Variants in NFIB observed in about 807,000 individuals in gnomAD.
The protein encoded by NFIB is nuclear factor 1 B-type.
In NFIB, 11 loss-of-function variants were observed where a neutral mutation model predicts 61.5. The observed-to-expected ratio is 0.18, with a 90% CI of 0.11 to 0.30. The LOEUF is 0.30. Among genes scored for constraint, NFIB ranks in the 10% least tolerant of loss-of-function variants. The pLI is 1.00. For missense variants in NFIB, 471 were observed against 608.9 expected, an observed-to-expected ratio of 0.77 and a Z score of 2.38; for synonymous variants, 260 against 216.5, an observed-to-expected ratio of 1.20 and a Z score of -1.76.
intron 1 of NFIB, among the ~76,000 whole-genome samples, chr9:14,310,312 A>G (rs2060220748): frequency 6.6e-6 from 1 of 152,140 alleles, no homozygotes; most frequent in Non-Finnish European, 1.5e-5. Context: ...TGCCTTATTG[A>G]TATCGTTCAG....
At chr9:14,290,220 G>A (rs1415625258) in intron 2 of NFIB, among the ~76,000 whole-genome samples, 1 of 152,066 alleles carries the variant, frequency 6.6e-6, no homozygotes. Flanking sequence ...CACATTAGGA[G>A]TGGATTTTGA....
At chr9:14,137,623 A>C (rs887433565) in intron 6 of NFIB, among the ~76,000 whole-genome samples, 1 of 152,190 alleles carries the variant, frequency 6.6e-6, no homozygotes, top group African/African-American at 2.4e-5. Context: ...CTAAGACCAC[A>C]CCAGTATTTA....
In NFIB at chr9:14,313,664, C is replaced by G. The variant is rs1028612893; in HGVS notation, c.-153G>C. 1.2e-5 allele frequency: 18 copies of G among 1,493,628 alleles called. No homozygotes were observed. The highest frequency in any genetic ancestry group is 1.6e-5 in the Non-Finnish European group (18 of 1,122,200). 92.5% of individuals were successfully genotyped at this position (1,493,628 alleles called of 1,614,324 possible). A position where few individuals can be genotyped will look rare whatever the true frequency, so the allele number is the denominator to read the frequency against. On this transcript the variant is annotated 5_prime_UTR_variant, in exon 1 of 11. Transcript: ENST00000380953. This position sits in a 1 kb window ranked among gnomAD's most constrained non-coding sequence, Gnocchi z 4.5. Reference sequence around the variant, plus strand: ...GGATCACCGCAACTTCACAACAAACCCAGTCCTCCTTAAATAGCCAAAGAT... The same window carrying G: ...GGATCACCGCAACTTCACAACAAACGCAGTCCTCCTTAAATAGCCAAAGAT...
chr9:14,398,213 AC>A (rs35009605), intron 1 of NFIB, among the ~76,000 whole-genome samples: 2,579 of 152,258 alleles, frequency 0.017, 87 homozygotes, highest in African/African-American at 0.057. Context: ...CTCTCAACTA[AC>A]CTTGCAGAAA....
intron 2 of NFIB, among the ~76,000 whole-genome samples, chr9:14,247,762 A>C (rs2055097959): frequency 1.3e-5 from 2 of 152,206 alleles, no homozygotes; most frequent in South Asian, 4.1e-4. Context: ...GTCAAGACTC[A>C]GTAATTAGTG....
the NFIB span, among the ~76,000 whole-genome samples, chr9:14,480,621 TA>T: frequency 6.6e-6 from 1 of 152,182 alleles, no homozygotes; most frequent in Non-Finnish European, 1.5e-5. Context: ...GCTTCCAGCT[TA>T]ACATAAGCTT....
At chr9:14,250,723 C>G (rs998749267) in intron 2 of NFIB, among the ~76,000 whole-genome samples, 1 of 152,190 alleles carries the variant, frequency 6.6e-6, no homozygotes, top group African/African-American at 2.4e-5. Context: ...TTAAGTCAAC[C>G]TGTATATCTC....
chr9:14,506,433 C>T, the NFIB span, among the ~76,000 whole-genome samples: 1 of 152,100 alleles, frequency 6.6e-6, no homozygotes, highest in Non-Finnish European at 1.5e-5. Context: ...GGCTACTGCA[C>T]GAGGTTTCAC....
the NFIB span, among the ~76,000 whole-genome samples, chr9:14,407,252 C>T: frequency 1.3e-5 from 2 of 152,116 alleles, no homozygotes; most frequent in Non-Finnish European, 1.5e-5. Flanking sequence ...TTAAACTTTC[C>T]TTTGCTTTAA....
intron 2 of NFIB, among the ~76,000 whole-genome samples, chr9:14,261,709 A>T (rs1162951922): frequency 6.6e-6 from 1 of 152,152 alleles, no homozygotes; most frequent in Non-Finnish European, 1.5e-5. Flanking sequence ...AGGGGAACTT[A>T]ATGAACTTAA....
At chr9:14,228,197 C>CT (rs199731438) in intron 2 of NFIB, among the ~76,000 whole-genome samples, 20,327 of 132,516 alleles carry the variant, frequency 0.15, 2,005 homozygotes, top group East Asian at 0.49. Flanking sequence ...CTTTATGATT[C>CT]TTTTTTTTTT....
chr9:14,398,718 T>C, exon 1 of NFIB: 2 of 911,142 alleles, frequency 2.2e-6, no homozygotes, highest in Non-Finnish European at 3.2e-6. Context: ...GGTCACCGAG[T>C]ACCTTAGCAA....
chr9:14,327,503 G>A (rs2060769639), intron 1 of NFIB, among the ~76,000 whole-genome samples: 2 of 152,164 alleles, frequency 1.3e-5, no homozygotes, highest in African/African-American at 4.8e-5. Context: ...GCATGGGTCT[G>A]GACCTTGGGC....
chr9:14,121,572 C>G (rs926523449), intron 7 of NFIB, among the ~76,000 whole-genome samples: 1 of 152,162 alleles, frequency 6.6e-6, no homozygotes, highest in African/African-American at 2.4e-5. Context: ...GCTAGAAACT[C>G]TCCTAATGAA....
intron 2 of NFIB, among the ~76,000 whole-genome samples, chr9:14,197,691 G>C (rs919569271): frequency 3.9e-5 from 6 of 152,224 alleles, no homozygotes; most frequent in Non-Finnish European, 7.3e-5. Flanking sequence ...AACTTTGACA[G>C]AACATGTGTT....
chr9:14,104,985 C>T (rs1367579993), intron 10 of NFIB, among the ~76,000 whole-genome samples: 1 of 152,104 alleles, frequency 6.6e-6, no homozygotes, highest in East Asian at 1.9e-4. Context: ...ATACCACTCA[C>T]TGATTGCTTA....
the NFIB span, among the ~76,000 whole-genome samples, chr9:14,459,008 A>T: frequency 6.6e-6 from 1 of 152,158 alleles, no homozygotes; most frequent in East Asian, 1.9e-4. Context: ...CAGAATTGGA[A>T]AAAACTACTT....
intron 1 of NFIB, among the ~76,000 whole-genome samples, chr9:14,348,641 C>G (rs1357764104): frequency 2.0e-5 from 3 of 152,250 alleles, no homozygotes; most frequent in African/African-American, 4.8e-5. Context: ...AACCCTTCTT[C>G]TTCTGCGCAA....
At chr9:14,402,321 A>G (rs1043431623), upstream of NFIB, among the ~76,000 whole-genome samples, 2 of 152,220 alleles carry the variant, frequency 1.3e-5, no homozygotes, top group Non-Finnish European at 2.9e-5. Flanking sequence ...TTATGTCAAA[A>G]ACTCTGCAAA....
Sources: allele counts gnomAD v4.1 joint callset (sites outside exome capture counted in the v4.1 genomes callset), GRCh38; gene constraint gnomAD v4.1.1; non-coding constraint Gnocchi (gnomAD v3.1); transcripts MANE v1.5; gene names NCBI Gene and HGNC (gene_info 2026-07-23, HGNC 2026-07-21).